MACF1: variants seen among roughly 807,000 people sequenced by gnomAD.
MACF1 encodes microtubule-actin cross-linking factor 1.
Under a neutral mutation model 854.8 loss-of-function variants are expected in MACF1, and 193 were observed. That is an observed-to-expected ratio of 0.23 (90% CI 0.20 to 0.25). The LOEUF is 0.25. Among genes scored for constraint, MACF1 ranks in the 10% least tolerant of loss-of-function variants. MACF1 has a pLI of 1.00. For missense variants in MACF1, 7,722 were observed against 8,929.1 expected (o/e 0.86, Z 5.45); for synonymous variants, 3,185 against 3,226.7 (o/e 0.99, Z 0.44).
At chr1:39,325,302 A>G (rs1223248021) in intron 35 of MACF1, among the ~76,000 whole-genome samples, 1 of 152,250 alleles carries the variant, frequency 6.6e-6, no homozygotes, top group Non-Finnish European at 1.5e-5. Flanking sequence ...AGAGAAGTTC[A>G]GAAGTCAAGA....
chr1:39,174,484 C>CT (rs1044480586), intron 2 of MACF1, among the ~76,000 whole-genome samples: 8 of 150,686 alleles, frequency 5.3e-5, no homozygotes, highest in South Asian at 4.2e-4. Context: ...AAAGTCAGGG[C>CT]TTTTTTTTTA....
In MACF1 at chr1:39,442,043, A is replaced by G. The variant is rs1343280385; in HGVS notation, c.18764A>G (p.Asn6255Ser). ...CTCAATACTGTTAAAGATCAGTTAA[A>G]TGAAATGAAGGTTTGTATCTGGGTA... ...TDLNTVKDQLNEMKEFKVEVY... is the reference protein window; with the variant it reads ...TDLNTVKDQLSEMKEFKVEVY... The change falls in exon 75 of 101, where the codon AAT becomes AGT. Residue 6255 changes from asparagine to serine, a missense_variant. Around this residue, in one of 15 missense-constraint regions of MACF1, gnomAD observed 2,807 missense variants for 3,235.8 expected, o/e 0.87. Transcript: ENST00000564288. 3 of 1,612,158 alleles carry G rather than the reference A, an allele frequency of 1.9e-6. No homozygotes were observed. Among genetic ancestry groups the G allele is most frequent in the Non-Finnish European group, 2.5e-6 (3 of 1,179,508 alleles).
Position 39,461,863 on chromosome 1 carries a change from A to C in MACF1, c.21524-20A>C, listed in dbSNP as rs757538205. ...CAAGTACCCCTCTTAATGTTTCAAA[A>C]TATGATTCCTTTTCTCCAGAGTTCC... On this transcript the variant is annotated intron_variant, in intron 92 of 100. Coordinates refer to ENST00000564288, the MANE Select transcript of MACF1 (RefSeq NM_001394062.1). 6.2e-7 allele frequency: 1 copy of C among 1,606,902 alleles called. No individual in the cohort carries two copies. Among genetic ancestry groups the C allele is most frequent in the Middle Eastern group, 1.7e-4 (1 of 6,034 alleles).
intron 81 of MACF1, 46 bp from the exon 82 acceptor site, chr1:39,447,646 C>A (rs767771121): frequency 1.2e-6 from 2 of 1,612,652 alleles, no homozygotes; most frequent in South Asian, 2.2e-5. Context: ...AAGAAATGCC[C>A]CTTTATCTTA....
At chr1:39,462,703 A>T (rs1208257734) in intron 93 of MACF1, among the ~76,000 whole-genome samples, 1 of 152,172 alleles carries the variant, frequency 6.6e-6, no homozygotes, top group Non-Finnish European at 1.5e-5. Context: ...CAACAGAGCA[A>T]GACTTGTCTT....
At chr1:39,474,680 C>T (rs1644842058) in intron 97 of MACF1, among the ~76,000 whole-genome samples, 1 of 152,018 alleles carries the variant, frequency 6.6e-6, no homozygotes, top group African/African-American at 2.4e-5. Context: ...GGCAACAGAA[C>T]AAGACTCCAT....
chr1:39,233,599 C>T (rs890885108), intron 2 of MACF1, among the ~76,000 whole-genome samples: 12 of 151,858 alleles, frequency 7.9e-5, no homozygotes, highest in African/African-American at 2.9e-4. Context: ...TTACATAAAT[C>T]ACACATGTCT....
Position 39,388,417 on chromosome 1 carries a change from C to T in MACF1, c.15575C>T (p.Thr5192Ile), listed in dbSNP as rs1393054616. 5.6e-6 allele frequency: 9 copies of T among 1,614,062 alleles called. No homozygotes were observed. The highest frequency in any genetic ancestry group is 2.2e-5 in the East Asian group (1 of 44,888). The change falls in exon 58 of 101, where the codon ACT becomes ATT. Residue 5192 changes from threonine (T) to isoleucine (I), a missense_variant. Thr to Ile is a moderately conservative substitution (Grantham distance 89, BLOSUM62 -1). Around this residue, in one of 15 missense-constraint regions of MACF1, gnomAD observed 2,807 missense variants for 3,235.8 expected, o/e 0.87. Coordinates refer to ENST00000564288, the MANE Select transcript of MACF1 (RefSeq NM_001394062.1). The stretch of plus-strand genomic sequence containing the variant: ...CGACATATGCTAGAAGAAGAGGGGA[C>T]TCTGGATTTGTTAGGTCTCAAAAGG... The part of the protein sequence containing the change: ...ECRHMLEEEG[T>I]LDLLGLKREL...
chr1:39,184,838 C>T (rs1163363608), intron 2 of MACF1, among the ~76,000 whole-genome samples: 1 of 152,164 alleles, frequency 6.6e-6, no homozygotes, highest in Non-Finnish European at 1.5e-5. Flanking sequence ...CCTCAGGTTT[C>T]AGGCCTCTCA....
In MACF1 at chr1:39,442,357, T is replaced by C. The variant is rs539881651; in HGVS notation, c.18948+37T>C. On this transcript the variant is annotated intron_variant, in intron 76 of 100. Transcript: ENST00000564288. Reference sequence around the variant, plus strand: ...GGTAGATGACATCAGTGAACTACTCTCCGCTCTTTTCTAATTTCGTATTGA... The same window carrying C: ...GGTAGATGACATCAGTGAACTACTCCCCGCTCTTTTCTAATTTCGTATTGA... 25 of 1,604,134 alleles carry C rather than the reference T, an allele frequency of 1.6e-5. No individual in the cohort carries two copies. The South Asian group carries it at 2.8e-4, about 18-fold the overall frequency.
At position 39,286,532 on chromosome 1, in the gene MACF1, T is replaced by C. The variant is rs143225682; in HGVS notation, c.1509-754T>C. 3.0e-4 allele frequency among the ~76,000 whole-genome samples: 45 copies of C among 151,892 alleles called. 1 individual carries two copies. In the East Asian group the frequency reaches 5.4e-3, roughly 18 times the overall value. On this transcript the variant is annotated intron_variant, in intron 14 of 100. Transcript: ENST00000564288. ...CCCAGGATGGAGTGCAGTGACACGA[T>C]CTCGGCTCACTGCAACTTCTGCCTC...
At chr1:39,410,630 C>G (rs746744510) in intron 58 of MACF1, 2 of 1,613,980 alleles carry the variant, frequency 1.2e-6, no homozygotes, top group Admixed American at 1.7e-5. Flanking sequence ...CGGCCAAATG[C>G]AGAACGCAAA....
chr1:39,240,914 C>T (rs1237002901), intron 2 of MACF1, among the ~76,000 whole-genome samples: 1 of 152,190 alleles, frequency 6.6e-6, no homozygotes, highest in East Asian at 1.9e-4. Flanking sequence ...TGATAAAATT[C>T]TTATATGCAA....
At chr1:39,431,810 A>G (rs1043502838) in intron 66 of MACF1, among the ~76,000 whole-genome samples, 9 of 151,934 alleles carry the variant, frequency 5.9e-5, no homozygotes, top group African/African-American at 2.2e-4. Flanking sequence ...ACATCTCTAC[A>G]GAAATATTTA....
At chr1:39,116,076 T>C (rs886185213) in intron 2 of MACF1, among the ~76,000 whole-genome samples, 1 of 152,180 alleles carries the variant, frequency 6.6e-6, no homozygotes, top group Non-Finnish European at 1.5e-5. Flanking sequence ...GTTTTGTTTA[T>C]GTATTGTAAC....
At chr1:39,240,890 T>C (rs1023605210) in intron 2 of MACF1, among the ~76,000 whole-genome samples, 1 of 152,218 alleles carries the variant, frequency 6.6e-6, no homozygotes, top group Non-Finnish European at 1.5e-5. Context: ...TAGGGAATTC[T>C]CAAAACAGAG....
chr1:39,207,104 T>C (rs1644458743), intron 1 of MACF1: 2 of 152,054 alleles, frequency 1.3e-5, no homozygotes, highest in Non-Finnish European at 2.9e-5. Context: ...GCTCAGGTGT[T>C]AACTGAACTA....
chr1:39,419,830 T>C (rs902449725), intron 58 of MACF1, among the ~76,000 whole-genome samples: 4 of 151,258 alleles, frequency 2.6e-5, no homozygotes, highest in African/African-American at 9.7e-5. Context: ...TGTGTGTGTG[T>C]GTGTGTGTGT....
chr1:39,326,055 G>A (rs1646603399), intron 35 of MACF1, among the ~76,000 whole-genome samples: 1 of 152,170 alleles, frequency 6.6e-6, no homozygotes, highest in South Asian at 2.1e-4. Flanking sequence ...TTAGCGAGTG[G>A]AGAGTGCAAG....
Sources: allele counts gnomAD v4.1 joint callset (sites outside exome capture counted in the v4.1 genomes callset), GRCh38; gene constraint gnomAD v4.1.1; regional missense constraint gnomAD v4.1.1; transcripts MANE v1.5; gene names NCBI Gene and HGNC (gene_info 2026-07-23, HGNC 2026-07-21).